Variants in MCF2 observed in about 807,000 individuals in gnomAD.
The protein encoded by MCF2 is proto-oncogene DBL.
In MCF2, 44 loss-of-function variants were observed where a neutral mutation model predicts 82.5. The ratio of observed to expected loss-of-function variants is 0.53; its 90% confidence interval spans 0.42 to 0.69. The LOEUF is 0.69. Among genes scored for constraint, MCF2 ranks in the 30% least tolerant of loss-of-function variants. The pLI is 0.00. For missense variants in MCF2, 623 were observed against 663.1 expected, an observed-to-expected ratio of 0.94 and a Z score of 0.66; for synonymous variants, 217 against 224.9, an observed-to-expected ratio of 0.96 and a Z score of 0.32.
chrX:139,676,131 G>T (rs77657507), intron 1 of MCF2, among the ~76,000 whole-genome samples: 1 of 112,807 alleles, frequency 8.9e-6, no homozygotes, highest in African/African-American at 3.2e-5. Flanking sequence ...TGCTGAGCCA[G>T]GTGTGAGATA....
intron 1 of MCF2, among the ~76,000 whole-genome samples, chrX:139,660,772 AT>A (rs967598551): frequency 8.9e-6 from 1 of 112,279 alleles, no homozygotes; most frequent in Non-Finnish European, 1.9e-5. Flanking sequence ...CAAGATTCAT[AT>A]TAAATCCTTT....
chrX:139,633,192 T>A (rs1376936473), intron 1 of MCF2, among the ~76,000 whole-genome samples: 2 of 111,340 alleles, frequency 1.8e-5, no homozygotes, highest in Non-Finnish European at 3.8e-5. Flanking sequence ...TTGTTCTAGT[T>A]CACCAATGTT....
At chrX:139,674,003 T>C (rs1414537265) in intron 1 of MCF2, among the ~76,000 whole-genome samples, 1 of 111,938 alleles carries the variant, frequency 8.9e-6, no homozygotes, top group Non-Finnish European at 1.9e-5. Flanking sequence ...GGTGTTCCTG[T>C]ATCGGGTGCA....
At chrX:139,689,880 T>C (rs750974032) in intron 1 of MCF2, among the ~76,000 whole-genome samples, 4 of 111,565 alleles carry the variant, frequency 3.6e-5, no homozygotes, top group Non-Finnish European at 7.5e-5. Context: ...CTCTGTAGTA[T>C]AATTTCTGGG....
At chrX:139,690,387 A>T (rs763477842) in intron 1 of MCF2, among the ~76,000 whole-genome samples, 4 of 104,558 alleles carry the variant, frequency 3.8e-5, no homozygotes, top group African/African-American at 1.4e-4. Flanking sequence ...CAGAAGGTAA[A>T]TGAGAACAAA....
At chrX:139,593,495 C>G (rs1169621147) in intron 19 of MCF2, among the ~76,000 whole-genome samples, 1 of 110,723 alleles carries the variant, frequency 9.0e-6, no homozygotes, top group African/African-American at 3.3e-5. Context: ...GAAACTATTC[C>G]AATCAATAGA....
intron 4 of MCF2, among the ~76,000 whole-genome samples, chrX:139,628,171 A>T (rs1397837190): frequency 9.0e-6 from 1 of 111,660 alleles, no homozygotes; most frequent in South Asian, 3.8e-4. Context: ...AGACACATGC[A>T]CTCATACGTC....
intron 2 of MCF2, among the ~76,000 whole-genome samples, chrX:139,631,927 A>C (rs1421800299): frequency 9.0e-6 from 1 of 111,203 alleles, no homozygotes; most frequent in African/African-American, 3.3e-5. Flanking sequence ...AACAAACAAA[A>C]ATATTTTTAA....
chrX:139,657,355 G>C (rs146151865), intron 1 of MCF2, among the ~76,000 whole-genome samples: 3,469 of 112,256 alleles, frequency 0.031, 130 homozygotes, highest in African/African-American at 0.11. Flanking sequence ...AAAATGTGTG[G>C]AAATAAATAA....
chrX:139,629,076 A>G (rs1287274477), intron 4 of MCF2, among the ~76,000 whole-genome samples: 1 of 112,181 alleles, frequency 8.9e-6, no homozygotes, highest in Non-Finnish European at 1.9e-5. Flanking sequence ...TGTTGGGGAT[A>G]TGTTCCGAGA....
intron 1 of MCF2, chrX:139,702,390 T>C (rs1935516082): frequency 8.9e-6 from 1 of 111,797 alleles, no homozygotes; most frequent in South Asian, 3.7e-4. Flanking sequence ...TAAAGAAGGA[T>C]CTATTCGTGT....
Position 139,651,680 on chromosome X carries a change from C to G in MCF2, c.25+40G>C, listed in dbSNP as rs142138001. On this transcript the variant is annotated intron_variant, in intron 2 of 27. Coordinates refer to the MCF2 transcript ENST00000414978. ...GTACCAAACTAACTGCTAATCAAGT[C>G]ATATATCTATCTGGACTATATATAA... The G allele has an allele frequency of 3.6e-4, 314 of 881,309 alleles. 1 individual carries two copies. The East Asian group carries it at 9.2e-3, about 26-fold the overall frequency. 72.6% of individuals were successfully genotyped at this position (881,309 alleles called of 1,213,427 possible). A position where few individuals can be genotyped will look rare whatever the true frequency, so the allele number is the denominator to read the frequency against.
chrX:139,636,714 G>T (rs1289825812), intron 1 of MCF2, among the ~76,000 whole-genome samples: 3 of 111,909 alleles, frequency 2.7e-5, no homozygotes, highest in Non-Finnish European at 5.6e-5. Context: ...GAACAAAGTA[G>T]AAAGAAAGGA....
At chrX:139,650,687 T>C (rs941031096) in intron 2 of MCF2, among the ~76,000 whole-genome samples, 3 of 111,856 alleles carry the variant, frequency 2.7e-5, no homozygotes, top group Non-Finnish European at 5.6e-5. Context: ...GACCAGAAGC[T>C]AAAGGGGCAG....
At chrX:139,678,904 T>C (rs1223983245) in intron 1 of MCF2, among the ~76,000 whole-genome samples, 2 of 112,680 alleles carry the variant, frequency 1.8e-5, no homozygotes, top group Non-Finnish European at 3.7e-5. Flanking sequence ...GGTTTACTTT[T>C]CATTTTTCAC....
chrX:139,673,416 G>A (rs1365380438), intron 1 of MCF2, among the ~76,000 whole-genome samples: 6 of 111,381 alleles, frequency 5.4e-5, no homozygotes, highest in East Asian at 2.8e-4. Context: ...TTAGGCTGTC[G>A]ATTTTAGATC....
chrX:139,707,892 C>T lies in MCF2; in HGVS notation c.-45+214G>A, dbSNP rs1369805077. Among the ~76,000 whole-genome samples, 5 of 111,786 alleles carry T rather than the reference C, an allele frequency of 4.5e-5. No homozygotes were observed. The South Asian group carries it at 1.1e-3, about 25-fold the overall frequency. ...CAGAGAAACCCAAAGCAGGCTATTGCGGTCTGTATGGACAGATACACCTTT... is the reference window on the plus strand; with the variant it reads ...CAGAGAAACCCAAAGCAGGCTATTGTGGTCTGTATGGACAGATACACCTTT... On this transcript the variant is annotated intron_variant, in intron 1 of 27. Transcript: ENST00000414978.
exon 2 of MCF2, chrX:139,651,730 G>T (rs1255022935): frequency 8.6e-7 from 1 of 1,158,148 alleles, no homozygotes; most frequent in Non-Finnish European, 1.2e-6. Context: ...CAGACAAGAA[G>T]GCGATGTCTT....
chrX:139,659,327 TTC>T (rs1277949247), intron 1 of MCF2, among the ~76,000 whole-genome samples: 1 of 111,379 alleles, frequency 9.0e-6, no homozygotes, highest in Non-Finnish European at 1.9e-5. Flanking sequence ...AAAAAACTAT[TTC>T]TCTGAGAGTC....
Sources: allele counts gnomAD v4.1 joint callset (sites outside exome capture counted in the v4.1 genomes callset), GRCh38; gene constraint gnomAD v4.1.1; transcripts MANE v1.5; gene names NCBI Gene and HGNC (gene_info 2026-07-23, HGNC 2026-07-21).